Variants in SPON1 observed in about 807,000 individuals in gnomAD.
The protein encoded by SPON1 is spondin 1.
SPON1 carries 52 observed loss-of-function variants against 111.7 expected under a neutral mutation model. The ratio of observed to expected loss-of-function variants is 0.47; its 90% CI spans 0.37 to 0.59. The LOEUF (loss-of-function observed/expected upper bound fraction) is 0.59. Ranked by LOEUF, SPON1 falls within the 20% of genes least tolerant of loss-of-function variation. The probability of loss-of-function intolerance (pLI) is 0.00; values close to 1 mark genes in which losing one functional copy is unlikely to be tolerated. For missense variants in SPON1, 957 were observed against 1,068.5 expected (o/e 0.90, Z 1.46); for synonymous variants, 410 against 395.8 (o/e 1.04, Z -0.43).
rs1554932921 is a variant in SPON1 at position 14,174,635 on chromosome 11, G to A, written c.825+39067G>A. 2.0e-5 allele frequency among the ~76,000 whole-genome samples: 3 copies of A among 150,858 alleles called. No individual in the cohort carries two copies. In the East Asian group the frequency reaches 5.8e-4, roughly 29 times the overall value. On this transcript the variant is annotated intron_variant, in intron 6 of 15. Transcript: ENST00000576479. Reference sequence around the variant, plus strand: ...CGGAAGTTATCTTAGGGCCTCTCCTGTGTGCATTAAGTGTGGCAAGACAAA... The same window carrying A: ...CGGAAGTTATCTTAGGGCCTCTCCTATGTGCATTAAGTGTGGCAAGACAAA...
At chr11:14,194,892 TCTAC>T (rs1339773978) in intron 6 of SPON1, among the ~76,000 whole-genome samples, 1 of 152,240 alleles carries the variant, frequency 6.6e-6, no homozygotes, top group African/African-American at 2.4e-5. Context: ...AAATATTTAT[TCTAC>T]CTTTAATGAA....
chr11:14,263,799 C>T (rs1219299410), intron 15 of SPON1, among the ~76,000 whole-genome samples: 1 of 152,036 alleles, frequency 6.6e-6, no homozygotes, highest in African/African-American at 2.4e-5. Flanking sequence ...TAGGCCAAGG[C>T]AGGCCAATCA....
intron 6 of SPON1, among the ~76,000 whole-genome samples, chr11:14,150,213 G>A (rs1288459310): frequency 3.9e-5 from 6 of 152,110 alleles, no homozygotes; most frequent in Non-Finnish European, 7.4e-5. Flanking sequence ...GTGATAATAA[G>A]CCAGGCATGG....
At chr11:13,978,356 A>G (rs145634172) in intron 1 of SPON1, among the ~76,000 whole-genome samples, 440 of 152,300 alleles carry the variant, frequency 2.9e-3, no homozygotes, top group Middle Eastern at 0.014. Flanking sequence ...CATCTTTAGC[A>G]ATACTGAGCC....
intron 6 of SPON1, among the ~76,000 whole-genome samples, chr11:14,221,338 C>A (rs916613207): frequency 6.6e-6 from 1 of 152,122 alleles, no homozygotes; most frequent in Non-Finnish European, 1.5e-5. Flanking sequence ...AGTTGTTATA[C>A]CCATTTTATA....
intron 2 of SPON1, among the ~76,000 whole-genome samples, chr11:13,985,065 A>G (rs554308879): frequency 2.0e-5 from 3 of 152,342 alleles, no homozygotes; most frequent in African/African-American, 7.2e-5. Flanking sequence ...AAGCCCATCC[A>G]GACTTACTGA....
intron 6 of SPON1, among the ~76,000 whole-genome samples, chr11:14,169,998 T>C (rs555144770): frequency 6.6e-6 from 1 of 152,338 alleles, no homozygotes; most frequent in East Asian, 1.9e-4. Flanking sequence ...TGGTTCCGTA[T>C]GAACTTTAAA....
At chr11:14,101,286 G>A (rs1554924363) in intron 5 of SPON1, among the ~76,000 whole-genome samples, 1 of 152,044 alleles carries the variant, frequency 6.6e-6, no homozygotes, top group East Asian at 1.9e-4. Context: ...TGTAATCCCA[G>A]CTACTCAGGA....
At chr11:14,005,305 A>G (rs1848350584) in intron 2 of SPON1, among the ~76,000 whole-genome samples, 1 of 152,212 alleles carries the variant, frequency 6.6e-6, no homozygotes, top group Admixed American at 6.5e-5. Context: ...ATAACCAAAA[A>G]TGTTTCCAGA....
chr11:13,963,163 G>T, intron 1 of SPON1, 21 bp downstream of exon 1: 1 of 1,466,274 alleles, frequency 6.8e-7, no homozygotes, highest in Non-Finnish European at 9.1e-7. Context: ...GCCCGGCGTG[G>T]CATTAGGAGA....
intron 4 of SPON1, among the ~76,000 whole-genome samples, chr11:14,076,468 A>G (rs1305037193): frequency 6.6e-6 from 1 of 152,224 alleles, no homozygotes; most frequent in Non-Finnish European, 1.5e-5. Flanking sequence ...TAAGCACTTC[A>G]TATGCATTAA....
chr11:14,041,495 A>G, intron 2 of SPON1, 26 bp from the exon 3 acceptor site: 1 of 1,612,774 alleles, frequency 6.2e-7, no homozygotes, highest in Non-Finnish European at 8.5e-7. Context: ...TGTTGCATGT[A>G]TTTATTTCCC....
intron 5 of SPON1, among the ~76,000 whole-genome samples, chr11:14,128,500 C>T (rs1591383068): frequency 1.3e-5 from 2 of 152,198 alleles, no homozygotes; most frequent in African/African-American, 4.8e-5. Context: ...CAGCTCCACC[C>T]CTGAGGCTCT....
intron 6 of SPON1, among the ~76,000 whole-genome samples, chr11:14,185,315 T>A (rs1284536373): frequency 6.6e-6 from 1 of 152,190 alleles, no homozygotes; most frequent in Non-Finnish European, 1.5e-5. Flanking sequence ...CCATAGCATA[T>A]CCCCCATCCT....
At chr11:14,162,196 T>TC (rs147239487) in intron 6 of SPON1, among the ~76,000 whole-genome samples, 1 of 149,668 alleles carries the variant, frequency 6.7e-6, no homozygotes, top group Non-Finnish European at 1.5e-5. Flanking sequence ...AAGGTTTTCT[T>TC]AAAATATAAA....
At chr11:13,967,367 T>C (rs1554908128) in intron 1 of SPON1, among the ~76,000 whole-genome samples, 1 of 152,204 alleles carries the variant, frequency 6.6e-6, no homozygotes, top group African/African-American at 2.4e-5. Context: ...TAATATAAAG[T>C]GATAAATCCT....
At chr11:13,994,365 A>G (rs947521886) in intron 2 of SPON1, among the ~76,000 whole-genome samples, 1 of 152,244 alleles carries the variant, frequency 6.6e-6, no homozygotes, top group Non-Finnish European at 1.5e-5. Context: ...GGTTCCTAGA[A>G]GTATAATCAC....
In SPON1 at chr11:14,135,691, GT is replaced by G; in HGVS notation, c.825+126del. Reference sequence around the variant, plus strand: ...TGGTGGAAGAAAATCTATTTGCTGAGTTTGGGGGTTTTATGTTAAGTAGAGG... The same window carrying G: ...TGGTGGAAGAAAATCTATTTGCTGAGTTGGGGGTTTTATGTTAAGTAGAGG... On this transcript the variant is annotated intron_variant, in intron 6 of 15. Coordinates refer to ENST00000576479, the MANE Select transcript of SPON1 (RefSeq NM_006108.4). The surrounding 1 kb of genome is among the most constrained non-coding windows in gnomAD (Gnocchi z 4.4). 1.0e-6 allele frequency: 1 copy of G among 990,786 alleles called. No individual in the cohort carries two copies. The highest frequency in any genetic ancestry group is 1.5e-6 in the Non-Finnish European group (1 of 673,232). 61.4% of individuals were successfully genotyped at this position (990,786 alleles called of 1,614,324 possible).
intron 5 of SPON1, among the ~76,000 whole-genome samples, chr11:14,125,865 G>A (rs1847453849): frequency 6.6e-6 from 1 of 152,190 alleles, no homozygotes; most frequent in Non-Finnish European, 1.5e-5. Flanking sequence ...TGGAGTCCTA[G>A]GGGAACCAAT....
Sources: gnomAD v4.1 joint callset for allele counts (sites outside exome capture counted in the v4.1 genomes callset) on GRCh38, gnomAD v4.1.1 for gene constraint, Gnocchi (gnomAD v3.1) non-coding constraint, MANE v1.5 for transcripts, NCBI Gene and HGNC (gene_info 2026-07-23, HGNC 2026-07-21) for gene names.